ASIC2: variants seen among roughly 807,000 people sequenced by gnomAD.
The protein encoded by ASIC2 is acid-sensing ion channel 2.
A neutral mutation model predicts 57.3 loss-of-function variants in ASIC2; 25 were observed. That is an observed-to-expected ratio of 0.44 (90% CI 0.32 to 0.61). The LOEUF (loss-of-function observed/expected upper bound fraction) is 0.61. Ranked by LOEUF, ASIC2 falls within the 20% of genes least tolerant of loss-of-function variation. ASIC2 has a pLI of 0.06. For synonymous variants in ASIC2, 319 were observed against 307.5 expected (o/e 1.04, Z -0.39); for missense variants, 641 against 738.1 (o/e 0.87, Z 1.52).
At chr17:33,684,036 C>T (rs1908098934) in intron 1 of ASIC2, among the ~76,000 whole-genome samples, 1 of 152,204 alleles carries the variant, frequency 6.6e-6, no homozygotes, top group African/African-American at 2.4e-5. Context: ...AATATCCATA[C>T]ATTTGCATAT....
intron 3 of ASIC2, among the ~76,000 whole-genome samples, chr17:33,059,413 GT>G (rs1470524750): frequency 3.5e-4 from 53 of 152,122 alleles, no homozygotes; most frequent in African/African-American, 1.2e-3. Context: ...GTGGTGTTTG[GT>G]TTTTTTGTCC....
intron 1 of ASIC2, among the ~76,000 whole-genome samples, chr17:33,381,572 G>A (rs566252065): frequency 4.0e-5 from 5 of 123,566 alleles, no homozygotes; most frequent in East Asian, 2.1e-4. Flanking sequence ...TATGTGCCCC[G>A]GGGGGGCACT....
At chr17:33,116,726 T>C (rs2092282752) in intron 1 of ASIC2, among the ~76,000 whole-genome samples, 1 of 152,206 alleles carries the variant, frequency 6.6e-6, no homozygotes, top group South Asian at 2.1e-4. Context: ...TGTTTAGAGA[T>C]TGAGATTGCA....
intron 1 of ASIC2, among the ~76,000 whole-genome samples, chr17:33,860,092 G>A (rs975933329): frequency 6.6e-6 from 1 of 152,142 alleles, no homozygotes; most frequent in Admixed American, 6.5e-5. Flanking sequence ...CAGATGGGTG[G>A]CTCTGAGGAA....
intron 1 of ASIC2, chr17:33,976,626 A>G (rs1905398153): frequency 6.6e-6 from 1 of 152,172 alleles, no homozygotes; most frequent in Non-Finnish European, 1.5e-5. Flanking sequence ...GGAGGGCATC[A>G]TTATCCTCAA....
chr17:34,130,440 C>T (rs11080251), intron 1 of ASIC2, among the ~76,000 whole-genome samples: 34 of 152,154 alleles, frequency 2.2e-4, no homozygotes, highest in African/African-American at 8.2e-4. Context: ...CTGGAGAACA[C>T]AGAACCTATA....
At chr17:33,076,062 A>G (rs754550748) in intron 3 of ASIC2, among the ~76,000 whole-genome samples, 11 of 152,240 alleles carry the variant, frequency 7.2e-5, no homozygotes, top group Non-Finnish European at 1.2e-4. Flanking sequence ...GAAGAATAGC[A>G]TGGTGACTGG....
chr17:33,208,620 C>T (rs576227967), intron 1 of ASIC2, among the ~76,000 whole-genome samples: 4 of 152,144 alleles, frequency 2.6e-5, no homozygotes, highest in South Asian at 2.1e-4. Flanking sequence ...TATCTAATCA[C>T]CTTATTCTAT....
intron 1 of ASIC2, among the ~76,000 whole-genome samples, chr17:33,543,369 G>A (rs1309062846): frequency 6.6e-6 from 1 of 152,088 alleles, no homozygotes; most frequent in Non-Finnish European, 1.5e-5. Flanking sequence ...GTGTCTTTGG[G>A]GCCTCTATGC....
At chr17:33,681,284 T>C (rs1907992818) in intron 1 of ASIC2, among the ~76,000 whole-genome samples, 2 of 152,222 alleles carry the variant, frequency 1.3e-5, no homozygotes, top group African/African-American at 2.4e-5. Context: ...CACATGTACA[T>C]TGGCGGCTGG....
chr17:33,899,005 C>T (rs1021453917), intron 1 of ASIC2, among the ~76,000 whole-genome samples: 10 of 152,002 alleles, frequency 6.6e-5, no homozygotes, highest in Non-Finnish European at 7.3e-5. Flanking sequence ...TTAATTCCTC[C>T]GAGGTAAAGA....
chr17:33,634,556 C>G (rs946244039), intron 1 of ASIC2, among the ~76,000 whole-genome samples: 1 of 148,090 alleles, frequency 6.8e-6, no homozygotes, highest in African/African-American at 2.5e-5. Context: ...CACTCTGTCG[C>G]CCAGGCTGGA....
intron 1 of ASIC2, among the ~76,000 whole-genome samples, chr17:33,607,324 G>A (rs959527859): frequency 3.3e-5 from 5 of 152,140 alleles, no homozygotes; most frequent in African/African-American, 7.2e-5. Context: ...TCAACCCTGA[G>A]GGTGTAAGGC....
chr17:34,146,216 A>G (rs894209820), intron 1 of ASIC2, among the ~76,000 whole-genome samples: 2 of 152,190 alleles, frequency 1.3e-5, no homozygotes, highest in African/African-American at 4.8e-5. Flanking sequence ...GGGAATTGTT[A>G]TCGCCGTCTT....
chr17:33,593,911 G>A (rs768743302), intron 1 of ASIC2, among the ~76,000 whole-genome samples: 1 of 152,144 alleles, frequency 6.6e-6, no homozygotes, highest in Non-Finnish European at 1.5e-5. Context: ...CCCTAGGCCT[G>A]CTAATAAATC....
intron 1 of ASIC2, among the ~76,000 whole-genome samples, chr17:34,126,064 A>G (rs12943740): frequency 0.011 from 1,666 of 152,288 alleles, 38 homozygotes; most frequent in African/African-American, 0.038. Context: ...TACCTTGGGT[A>G]GGCACATTCA....
At chr17:33,276,317 T>C (rs1904700356) in intron 1 of ASIC2, among the ~76,000 whole-genome samples, 1 of 152,224 alleles carries the variant, frequency 6.6e-6, no homozygotes, top group South Asian at 2.1e-4. Flanking sequence ...CTTAATTGAA[T>C]GAATAAGCTA....
intron 1 of ASIC2, among the ~76,000 whole-genome samples, chr17:34,009,538 A>G (rs576518410): frequency 6.6e-6 from 1 of 152,372 alleles, no homozygotes; most frequent in South Asian, 2.1e-4. Context: ...AAGACATTAT[A>G]AGAACTAATT....
intron 1 of ASIC2, among the ~76,000 whole-genome samples, chr17:33,748,482 A>G (rs2142102685): frequency 6.6e-6 from 1 of 152,364 alleles, no homozygotes; most frequent in African/African-American, 2.4e-5. Flanking sequence ...GTCCTGAGAA[A>G]TAATGGTGCA....
Sources: gnomAD v4.1 joint callset for allele counts (sites outside exome capture counted in the v4.1 genomes callset) on GRCh38, gnomAD v4.1.1 for gene constraint, MANE v1.5 for transcripts, NCBI Gene and HGNC (gene_info 2026-07-23, HGNC 2026-07-21) for gene names.